Variants in BACH2 observed in about 807,000 individuals in gnomAD.
BACH2 encodes the protein transcription regulator protein BACH2.
BACH2 carries 5 observed loss-of-function variants against 61.8 expected under a neutral mutation model. The observed-to-expected ratio is 0.08, with a 90% CI of 0.04 to 0.17. BACH2 has a LOEUF of 0.17. BACH2 is among the 10% of genes least tolerant of loss of function. The pLI is 1.00. For missense variants in BACH2, 824 were observed against 1,091.1 expected (o/e 0.76, Z 3.45); for synonymous variants, 446 against 440.1 (o/e 1.01, Z -0.17).
chr6:90,222,544 A>G (rs1412724569), intron 3 of BACH2, among the ~76,000 whole-genome samples: 5 of 152,216 alleles, frequency 3.3e-5, no homozygotes, highest in African/African-American at 4.8e-5. Context: ...GCTTAGAATG[A>G]AAGCTCACTG....
intron 4 of BACH2, among the ~76,000 whole-genome samples, chr6:90,194,067 AT>A (rs879794355): frequency 0.029 from 4,289 of 147,496 alleles, 72 homozygotes; most frequent in Middle Eastern, 0.094. Flanking sequence ...AATCCACTTA[AT>A]TTTTTTTTTT....
At chr6:90,254,452 G>A (rs1025797121) in intron 2 of BACH2, among the ~76,000 whole-genome samples, 2 of 151,926 alleles carry the variant, frequency 1.3e-5, no homozygotes, top group Admixed American at 1.3e-4. Flanking sequence ...TATAAATCCT[G>A]GATCATATAA....
chr6:90,218,684 G>T (rs978487832), intron 3 of BACH2, among the ~76,000 whole-genome samples: 3 of 151,890 alleles, frequency 2.0e-5, no homozygotes, highest in Admixed American at 2.0e-4. Context: ...CGAATTACCC[G>T]CCTGTCAGGC....
chr6:90,105,678 T>G (rs987958555), intron 4 of BACH2, among the ~76,000 whole-genome samples: 18 of 152,230 alleles, frequency 1.2e-4, no homozygotes, highest in Admixed American at 6.5e-4. Context: ...CAAAGTAATT[T>G]AAAACTATTT....
intron 1 of BACH2, among the ~76,000 whole-genome samples, chr6:90,276,813 C>T (rs1209033338): frequency 4.6e-5 from 7 of 152,096 alleles, no homozygotes. Flanking sequence ...CTTAGTTTTC[C>T]ACTATCACCT....
At chr6:89,990,629 C>A (rs1459223978) in intron 6 of BACH2, among the ~76,000 whole-genome samples, 1 of 151,972 alleles carries the variant, frequency 6.6e-6, no homozygotes, top group Non-Finnish European at 1.5e-5. Context: ...CTCCCAATAC[C>A]CACCCCCACC....
intron 3 of BACH2, among the ~76,000 whole-genome samples, chr6:90,222,388 A>G (rs1769763612): frequency 6.6e-6 from 1 of 152,226 alleles, no homozygotes; most frequent in Non-Finnish European, 1.5e-5. Flanking sequence ...AGAGAAGAAC[A>G]AGGCTCAGAG....
chr6:90,116,573 C>T (rs1783409031), intron 4 of BACH2: 2 of 177,384 alleles, frequency 1.1e-5, no homozygotes, highest in African/African-American at 4.8e-5. Context: ...ACATGTTTAT[C>T]TATATAACAA....
intron 4 of BACH2, among the ~76,000 whole-genome samples, chr6:90,165,789 GA>G (rs1259090235): frequency 6.6e-6 from 1 of 152,080 alleles, no homozygotes; most frequent in Non-Finnish European, 1.5e-5. Context: ...ACAAGCCTGA[GA>G]AAAACAAGAA....
At chr6:90,144,191 C>T (rs1784547820) in intron 4 of BACH2, among the ~76,000 whole-genome samples, 1 of 152,198 alleles carries the variant, frequency 6.6e-6, no homozygotes, top group South Asian at 2.1e-4. Context: ...AAAACTGATT[C>T]CAATGGCTTG....
chr6:90,234,164 G>T (rs987550593), intron 3 of BACH2, among the ~76,000 whole-genome samples: 4 of 152,196 alleles, frequency 2.6e-5, no homozygotes, highest in Admixed American at 1.3e-4. Flanking sequence ...TGGAAATACA[G>T]GCAGCAATTT....
chr6:89,966,712 C>G (rs1562331421), intron 6 of BACH2, among the ~76,000 whole-genome samples: 1 of 152,182 alleles, frequency 6.6e-6, no homozygotes, highest in Non-Finnish European at 1.5e-5. Context: ...CCATTTTTAC[C>G]TGAAGCCATT....
intron 5 of BACH2, among the ~76,000 whole-genome samples, chr6:90,057,408 C>G (rs1413626240): frequency 6.6e-6 from 1 of 152,144 alleles, no homozygotes; most frequent in African/African-American, 2.4e-5. Context: ...ATACATCCTC[C>G]CAAGACTAAA....
At chr6:90,122,881 A>G (rs1783688921) in intron 4 of BACH2, among the ~76,000 whole-genome samples, 1 of 152,226 alleles carries the variant, frequency 6.6e-6, no homozygotes, top group Admixed American at 6.5e-5. Flanking sequence ...AGACCTTCCT[A>G]TAGTTACACA....
intron 6 of BACH2, among the ~76,000 whole-genome samples, chr6:89,962,865 A>C (rs1256275274): frequency 6.6e-6 from 1 of 152,234 alleles, no homozygotes; most frequent in Non-Finnish European, 1.5e-5. Flanking sequence ...AAAATGAACA[A>C]ATGGGACTAT....
chr6:90,238,224 G>A (rs527965641), intron 3 of BACH2, among the ~76,000 whole-genome samples: 2 of 152,030 alleles, frequency 1.3e-5, no homozygotes, highest in African/African-American at 2.4e-5. Flanking sequence ...CTTATCGATC[G>A]ATCGATCATC....
intron 1 of BACH2, among the ~76,000 whole-genome samples, chr6:90,295,861 C>T (rs1772345288): frequency 6.6e-6 from 1 of 152,276 alleles, no homozygotes; most frequent in African/African-American, 2.4e-5. Flanking sequence ...TTCCTGCGAC[C>T]CTAAACTTGG....
At chr6:89,979,909 C>T (rs1187949860) in intron 6 of BACH2, among the ~76,000 whole-genome samples, 1 of 152,128 alleles carries the variant, frequency 6.6e-6, no homozygotes, top group Non-Finnish European at 1.5e-5. Context: ...TTTGCATGAA[C>T]CAAATGCATG....
chr6:90,164,263 C>T (rs901314056), intron 4 of BACH2, among the ~76,000 whole-genome samples: 2 of 152,144 alleles, frequency 1.3e-5, no homozygotes, highest in Non-Finnish European at 2.9e-5. Context: ...ATACAAACTA[C>T]CATCAGAAAA....
Sources: allele counts gnomAD v4.1 joint callset (sites outside exome capture counted in the v4.1 genomes callset), GRCh38; gene constraint gnomAD v4.1.1; transcripts MANE v1.5; gene names NCBI Gene and HGNC (gene_info 2026-07-23, HGNC 2026-07-21).